MED12L: variants seen among roughly 807,000 people sequenced by gnomAD.
MED12L encodes the protein mediator of RNA polymerase II transcription subunit 12-like protein.
MED12L carries 60 observed loss-of-function variants against 281.3 expected under a neutral mutation model. The observed-to-expected ratio is 0.21, with a 90% CI of 0.17 to 0.26. The LOEUF is 0.26. MED12L is among the 10% of genes least tolerant of loss of function. The pLI is 1.00. For missense variants in MED12L, 2,146 were observed against 2,680.9 expected, an observed-to-expected ratio of 0.80 and a Z score of 4.41; for synonymous variants, 974 against 987.2, an observed-to-expected ratio of 0.99 and a Z score of 0.25.
intron 16 of MED12L, chr3:151,219,404 G>T (rs1348312258): frequency 6.6e-6 from 1 of 152,096 alleles, no homozygotes; most frequent in Non-Finnish European, 1.5e-5. Flanking sequence ...TTTTCCTCTT[G>T]TATTAGAACA....
At chr3:151,108,721 C>T (rs1299767736) in intron 2 of MED12L, among the ~76,000 whole-genome samples, 2 of 151,960 alleles carry the variant, frequency 1.3e-5, no homozygotes, top group African/African-American at 2.4e-5. Context: ...GACTAGGGGA[C>T]GGAAAAAATT....
intron 2 of MED12L, among the ~76,000 whole-genome samples, chr3:151,100,449 A>G (rs1316971763): frequency 6.6e-6 from 1 of 152,200 alleles, no homozygotes; most frequent in Non-Finnish European, 1.5e-5. Flanking sequence ...ACTAATAAAA[A>G]TGTATTTTGT....
chr3:151,314,265 A>T (rs1011128192), intron 16 of MED12L, among the ~76,000 whole-genome samples: 1 of 152,230 alleles, frequency 6.6e-6, no homozygotes, highest in African/African-American at 2.4e-5. Context: ...TAATGAAACA[A>T]AATATGTTAA....
intron 16 of MED12L, among the ~76,000 whole-genome samples, chr3:151,297,086 C>G (rs1428808683): frequency 6.6e-6 from 1 of 152,130 alleles, no homozygotes; most frequent in African/African-American, 2.4e-5. Flanking sequence ...CCTAACTATC[C>G]TTACACAGGC....
intron 2 of MED12L, among the ~76,000 whole-genome samples, chr3:151,090,026 C>T (rs182773003): frequency 1.3e-5 from 2 of 152,230 alleles, no homozygotes; most frequent in Admixed American, 6.5e-5. Flanking sequence ...TTCTCTTCCC[C>T]AGGGCTCCTG....
chr3:151,346,507 C>T (rs1752558780), intron 16 of MED12L, among the ~76,000 whole-genome samples: 1 of 152,124 alleles, frequency 6.6e-6, no homozygotes, highest in Non-Finnish European at 1.5e-5. Flanking sequence ...AGAGAAACTT[C>T]TTCTCCTTTG....
intron 16 of MED12L, among the ~76,000 whole-genome samples, chr3:151,343,398 T>G (rs1752121959): frequency 6.6e-6 from 1 of 152,220 alleles, no homozygotes. Flanking sequence ...GTTCTTGATC[T>G]AAATTAACTT....
At chr3:151,280,498 C>T (rs909463798) in intron 16 of MED12L, among the ~76,000 whole-genome samples, 1 of 152,208 alleles carries the variant, frequency 6.6e-6, no homozygotes, top group Non-Finnish European at 1.5e-5. Context: ...AGCCTGTGCA[C>T]TGCTACTGCC....
At chr3:151,139,900 C>T (rs1716684465) in intron 5 of MED12L, among the ~76,000 whole-genome samples, 1 of 152,166 alleles carries the variant, frequency 6.6e-6, no homozygotes, top group African/African-American at 2.4e-5. Context: ...ACAAGAGGAG[C>T]TTTCATATAA....
At chr3:151,174,000 C>T (rs1395436405) in intron 11 of MED12L, among the ~76,000 whole-genome samples, 1 of 152,128 alleles carries the variant, frequency 6.6e-6, no homozygotes, top group Non-Finnish European at 1.5e-5. Flanking sequence ...GCTTGAATAT[C>T]CCTTACGTGA....
intron 11 of MED12L, among the ~76,000 whole-genome samples, chr3:151,176,656 A>G (rs1722090101): frequency 6.6e-6 from 1 of 152,040 alleles, no homozygotes; most frequent in Non-Finnish European, 1.5e-5. Context: ...TAATCCTTTT[A>G]TGCAAACTGT....
Position 151,165,990 on chromosome 3 carries a change from A to ATT in MED12L, c.1494+16_1494+17dup, listed in dbSNP as rs34434571. 1.1e-5 allele frequency: 17 copies of ATT among 1,583,046 alleles called. No individual in the cohort carries two copies. The highest frequency in any genetic ancestry group is 1.4e-5 in the Non-Finnish European group (16 of 1,165,356). On this transcript the variant is annotated intron_variant, in intron 11 of 44. Transcript: ENST00000687756. ...AACAAAGATAACCAAGAGGTAGTTA[A>ATT]TTTTTTTTTAATTCTTTTCACCTTT...
intron 2 of MED12L, among the ~76,000 whole-genome samples, chr3:151,095,574 G>A (rs760540254): frequency 3.9e-5 from 6 of 152,152 alleles, no homozygotes; most frequent in Non-Finnish European, 7.3e-5. Flanking sequence ...CTGACCTCAG[G>A]TGAGCCACTG....
chr3:151,431,942 C>G (rs1270247835), intron 44 of MED12L, among the ~76,000 whole-genome samples: 2 of 152,218 alleles, frequency 1.3e-5, no homozygotes, highest in Non-Finnish European at 2.9e-5. Flanking sequence ...GGTTTTTCAG[C>G]TAATAGAGCT....
At chr3:151,363,450 A>T (rs565798087) in intron 21 of MED12L, among the ~76,000 whole-genome samples, 39 of 152,208 alleles carry the variant, frequency 2.6e-4, no homozygotes, top group African/African-American at 9.1e-4. Flanking sequence ...TTTGGGGGAG[A>T]TACAACACTG....
At chr3:151,240,050 TG>T (rs1393362072) in intron 16 of MED12L, among the ~76,000 whole-genome samples, 195 of 139,910 alleles carry the variant, frequency 1.4e-3, no homozygotes, top group South Asian at 4.3e-3. Flanking sequence ...TTTTTTTTTT[TG>T]TGTGTGTGTG....
chr3:151,174,217 T>C (rs1045317328), intron 11 of MED12L, among the ~76,000 whole-genome samples: 1 of 152,208 alleles, frequency 6.6e-6, no homozygotes, highest in African/African-American at 2.4e-5. Context: ...ATAGGGATGC[T>C]CAGTCTGTAT....
chr3:151,141,191 T>TTTTGTTTTTTTTTG, intron 5 of MED12L, among the ~76,000 whole-genome samples: 2 of 143,294 alleles, frequency 1.4e-5, no homozygotes, highest in Non-Finnish European at 3.0e-5. Flanking sequence ...TTTTTTGTTT[T>TTTTGTTTTTTTTTG]TTTTTTTTTG....
intron 39 of MED12L, 90 bp downstream of exon 39, chr3:151,394,957 G>A (rs1267912820): frequency 1.3e-6 from 2 of 1,525,288 alleles, no homozygotes; most frequent in Middle Eastern, 2.4e-4. Flanking sequence ...TATTCTTTCT[G>A]TATGCATATC....
Sources: gnomAD v4.1 joint callset for allele counts (sites outside exome capture counted in the v4.1 genomes callset) on GRCh38, gnomAD v4.1.1 for gene constraint, MANE v1.5 for transcripts, NCBI Gene and HGNC (gene_info 2026-07-23, HGNC 2026-07-21) for gene names.